The following ROR1 variants were observed in gnomAD, a reference collection of about 807,000 sequenced individuals.
ROR1 encodes ROR family WNT receptor 1, also known as inactive tyrosine-protein kinase transmembrane receptor ROR1.
In ROR1, 19 loss-of-function variants were observed where a neutral mutation model predicts 78.8. That is an observed-to-expected ratio of 0.24 (90% CI 0.17 to 0.35). The LOEUF (loss-of-function observed/expected upper bound fraction) is 0.35, where lower values mean the gene tolerates loss of function less well. Among genes scored for constraint, ROR1 ranks in the 10% least tolerant of loss-of-function variants. ROR1 has a pLI of 1.00. For synonymous variants in ROR1, 386 were observed against 433.6 expected (o/e 0.89, Z 1.36); for missense variants, 917 against 1,177.8 (o/e 0.78, Z 3.24).
chr1:63,915,696 A>G (rs1439837850), intron 1 of ROR1, among the ~76,000 whole-genome samples: 1 of 152,104 alleles, frequency 6.6e-6, no homozygotes, highest in African/African-American at 2.4e-5. Flanking sequence ...AACTTCTCAC[A>G]CAGAGTAGTA....
chr1:63,967,358 A>T (rs1292613370), intron 1 of ROR1, among the ~76,000 whole-genome samples: 2 of 151,988 alleles, frequency 1.3e-5, no homozygotes, highest in East Asian at 3.9e-4. Context: ...CCTATAACAT[A>T]AAAAAAATAC....
chr1:63,892,896 T>C (rs1645409308), intron 1 of ROR1, among the ~76,000 whole-genome samples: 1 of 152,164 alleles, frequency 6.6e-6, no homozygotes. Flanking sequence ...AGACTAGCTT[T>C]ATGGCAAGCC....
chr1:63,989,162 G>GTT lies in ROR1; in HGVS notation c.92-20139_92-20138dup, dbSNP rs1287163623. On this transcript the variant is annotated intron_variant, in intron 1 of 8. Transcript: ENST00000371079. ...TTTTTGCCAACACTTGTCATTTTCT[G>GTT]TTTTTGTTTTTTTTTTTTTTTAAAC... 4.2e-4 allele frequency among the ~76,000 whole-genome samples: 49 copies of GTT among 117,380 alleles called. 2 individuals carry two copies. Among genetic ancestry groups the GTT allele is most frequent in the East Asian group, 8.1e-4 (3 of 3,682 alleles). The allele number at this position is 117,380 out of a possible 152,430, so 77.0% of individuals were successfully genotyped here. A position where few individuals can be genotyped will look rare whatever the true frequency, so the allele number is the denominator to read the frequency against.
chr1:64,115,608 A>ATG (rs1156380297), intron 4 of ROR1, among the ~76,000 whole-genome samples: 1 of 142,308 alleles, frequency 7.0e-6, no homozygotes, highest in Non-Finnish European at 1.5e-5. Flanking sequence ...AAGTATATAT[A>ATG]TGTGTATATA....
At chr1:64,037,422 G>T (rs922854132) in intron 2 of ROR1, among the ~76,000 whole-genome samples, 5 of 152,136 alleles carry the variant, frequency 3.3e-5, no homozygotes, top group African/African-American at 1.2e-4. Flanking sequence ...TTGCTAGCCC[G>T]AGCTGCAGTT....
intron 4 of ROR1, chr1:64,105,303 G>C (rs982047632): frequency 2.0e-5 from 3 of 151,882 alleles, no homozygotes; most frequent in African/African-American, 7.2e-5. Context: ...TTTTGATGGG[G>C]TTATTTTTTT....
chr1:63,875,427 C>A (rs1004480014), intron 1 of ROR1, among the ~76,000 whole-genome samples: 4 of 152,132 alleles, frequency 2.6e-5, no homozygotes, highest in African/African-American at 9.7e-5. Flanking sequence ...CTTTGCCTTT[C>A]TAAGCTTCTG....
intron 1 of ROR1, among the ~76,000 whole-genome samples, chr1:63,824,827 T>C (rs928858728): frequency 5.9e-5 from 9 of 152,240 alleles, no homozygotes; most frequent in African/African-American, 2.2e-4. Flanking sequence ...TGATGTGTCT[T>C]TTTTCAGTCT....
chr1:64,041,984 G>A (rs924751174), intron 2 of ROR1, among the ~76,000 whole-genome samples: 3 of 152,134 alleles, frequency 2.0e-5, no homozygotes, highest in African/African-American at 7.2e-5. Context: ...TCAGTTATGT[G>A]ACCTTAGGCA....
intron 1 of ROR1, among the ~76,000 whole-genome samples, chr1:63,831,345 G>A (rs1435194303): frequency 1.3e-5 from 2 of 152,166 alleles, no homozygotes; most frequent in South Asian, 2.1e-4. Context: ...TGCAGCAGAC[G>A]TCTTCCTGGA....
intron 8 of ROR1, among the ~76,000 whole-genome samples, chr1:64,173,742 C>T (rs148559449): frequency 3.9e-4 from 60 of 152,330 alleles, no homozygotes; most frequent in Middle Eastern, 3.4e-3. Context: ...TTCTTAGCCA[C>T]GAAGCCCCAA....
At chr1:63,838,512 C>T (rs1645031950) in intron 1 of ROR1, among the ~76,000 whole-genome samples, 2 of 151,814 alleles carry the variant, frequency 1.3e-5, no homozygotes, top group South Asian at 4.2e-4. Flanking sequence ...TAGAAAAAAG[C>T]TTATGGAATA....
intron 1 of ROR1, among the ~76,000 whole-genome samples, chr1:63,850,624 C>A (rs982576355): frequency 2.6e-5 from 4 of 152,182 alleles, no homozygotes; most frequent in Non-Finnish European, 5.9e-5. Flanking sequence ...GATGTTAGAG[C>A]AAAGACTGGA....
At chr1:63,775,289 T>A (rs539516086) in intron 1 of ROR1, 44 of 152,308 alleles carry the variant, frequency 2.9e-4, no homozygotes. Flanking sequence ...GAGAAAGACT[T>A]CACCGCAAGC....
At chr1:64,023,190 C>T (rs1262015760) in intron 2 of ROR1, among the ~76,000 whole-genome samples, 1 of 152,124 alleles carries the variant, frequency 6.6e-6, no homozygotes, top group Non-Finnish European at 1.5e-5. Flanking sequence ...TGCAGTGGTG[C>T]TGAGTAACAG....
At chr1:63,903,284 C>A (rs1645500528) in intron 1 of ROR1, among the ~76,000 whole-genome samples, 1 of 152,188 alleles carries the variant, frequency 6.6e-6, no homozygotes. Context: ...ATTAAATCTT[C>A]ACAGACCTAG....
intron 2 of ROR1, among the ~76,000 whole-genome samples, chr1:64,037,467 C>T (rs776001846): frequency 1.3e-5 from 2 of 152,122 alleles, no homozygotes; most frequent in Non-Finnish European, 2.9e-5. Flanking sequence ...ACTTTAGTGG[C>T]CTAGGAGTTA....
At chr1:63,966,719 G>A (rs935284194) in intron 1 of ROR1, among the ~76,000 whole-genome samples, 3 of 152,046 alleles carry the variant, frequency 2.0e-5, no homozygotes, top group Admixed American at 6.6e-5. Context: ...TGTTTGTTTG[G>A]CTGCCTCTGA....
intron 1 of ROR1, among the ~76,000 whole-genome samples, chr1:63,849,190 C>G (rs756963837): frequency 6.6e-6 from 1 of 152,096 alleles, no homozygotes; most frequent in Non-Finnish European, 1.5e-5. Flanking sequence ...CATGGGCCCA[C>G]GTTTAGAAGT....
Sources: allele counts gnomAD v4.1 joint callset (sites outside exome capture counted in the v4.1 genomes callset), GRCh38; gene constraint gnomAD v4.1.1; transcripts MANE v1.5; gene names NCBI Gene and HGNC (gene_info 2026-07-23, HGNC 2026-07-21).